ANKRD42: variants seen among roughly 807,000 people sequenced by gnomAD.
ANKRD42 encodes the protein ankyrin repeat domain-containing protein 42.
Under a neutral mutation model 51.5 loss-of-function variants are expected in ANKRD42, and 43 were observed. The ratio of observed to expected loss-of-function variants is 0.83; its 90% CI spans 0.65 to 1.08. ANKRD42 has a LOEUF of 1.08. Ranked by LOEUF, ANKRD42 falls within the 50% of genes least tolerant of loss-of-function variation. The pLI is 0.00. For missense variants in ANKRD42, 608 were observed against 629.3 expected (o/e 0.97, Z 0.36); for synonymous variants, 203 against 213.0 (o/e 0.95, Z 0.41).
chr11:83,238,624 A>T (rs1863292115), intron 8 of ANKRD42, among the ~76,000 whole-genome samples: 1 of 152,150 alleles, frequency 6.6e-6, no homozygotes, highest in Non-Finnish European at 1.5e-5. Context: ...TGAGGTCAGG[A>T]GTTTGAGATC....
At chr11:83,257,277 G>A, downstream of ANKRD42, 1 of 455,868 alleles carries the variant, frequency 2.2e-6, no homozygotes, top group Non-Finnish European at 4.4e-6. Flanking sequence ...GAGGGCTCCT[G>A]CCAGGGAAGC....
intron 10 of ANKRD42, 55 bp downstream of exon 10, chr11:83,245,679 G>A (rs1440364338): frequency 3.4e-6 from 5 of 1,476,204 alleles, no homozygotes; most frequent in Non-Finnish European, 4.5e-6. Context: ...TAAATGCCAT[G>A]TGAGGGTTTG....
intron 11 of ANKRD42, among the ~76,000 whole-genome samples, chr11:83,255,496 A>G (rs1176510195): frequency 1.3e-5 from 2 of 152,212 alleles, no homozygotes; most frequent in East Asian, 1.9e-4. Flanking sequence ...GCAGTTACCA[A>G]TATGTTGTTA....
intron 2 of ANKRD42, among the ~76,000 whole-genome samples, chr11:83,201,363 G>C (rs1178933765): frequency 6.6e-6 from 1 of 152,116 alleles, no homozygotes; most frequent in African/African-American, 2.4e-5. Flanking sequence ...GTATTCCATG[G>C]TGTATATGTG....
At chr11:83,214,267 G>C (rs959382030) in intron 5 of ANKRD42, 1 of 216,018 alleles carries the variant, frequency 4.6e-6, no homozygotes, top group African/African-American at 2.4e-5. Flanking sequence ...TCCCTATTTT[G>C]TGATCATGAA....
At position 83,206,100 on chromosome 11, in the gene ANKRD42, G is replaced by A. The variant is rs770312357; in HGVS notation, c.265G>A (p.Val89Ile). 2.5e-6 allele frequency: 4 copies of A among 1,613,984 alleles called. No homozygotes were observed. The highest frequency in any genetic ancestry group is 1.1e-5 in the South Asian group (1 of 91,076). ...CTGGCATGGAGCTGATATCACACAC[G>A]TAACAACGAGAGGTTGGACAGCATC... ...LLWHGADITH[V>I]TTRGWTASHI... The change falls in exon 3 of 11, where the codon GTA becomes ATA. Residue 89 changes from valine to isoleucine, a missense_variant. By Grantham distance (29) the Val-to-Ile change is conservative (BLOSUM62 3). Transcript: ENST00000533342.
Position 83,193,981 on chromosome 11 carries a change from G to A in ANKRD42, c.-690G>A. On this transcript the variant is annotated 5_prime_UTR_variant, in exon 1 of 11. Transcript: ENST00000533342. ...AGAGAGCGACCGCCGCTCCAGGGTC[G>A]CTGCAGGAAGCCTAAGTGCAGACGC... 2.2e-6 allele frequency: 1 copy of A among 456,492 alleles called. No individual in the cohort carries two copies. The highest frequency in any genetic ancestry group is 4.4e-6 in the Non-Finnish European group (1 of 226,772). The allele number at this position is 456,492 out of a possible 1,614,324, so 28.3% of individuals were successfully genotyped here. A position where few individuals can be genotyped will look rare whatever the true frequency, so the allele number is the denominator to read the frequency against.
At chr11:83,240,616 C>T in intron 8 of ANKRD42, 143 bp from the exon 9 acceptor site, 1 of 766,706 alleles carries the variant, frequency 1.3e-6, no homozygotes, top group South Asian at 1.8e-5. Context: ...CAAATTGTCA[C>T]TGACCTTCAG....
intron 7 of ANKRD42, among the ~76,000 whole-genome samples, chr11:83,228,909 G>A (rs1311794416): frequency 2.0e-5 from 3 of 151,714 alleles, no homozygotes; most frequent in Admixed American, 6.6e-5. Flanking sequence ...ATGTGAATGG[G>A]GAGGAGGCTG....
At chr11:83,234,996 T>C (rs1863184222) in intron 7 of ANKRD42, among the ~76,000 whole-genome samples, 1 of 152,188 alleles carries the variant, frequency 6.6e-6, no homozygotes, top group Non-Finnish European at 1.5e-5. Context: ...TGGAGGTGGG[T>C]TCGCTTTTTA....
At chr11:83,261,966 G>GCTGTGAAAAGAAGAAA, downstream of ANKRD42, 1 of 1,587,008 alleles carries the variant, frequency 6.3e-7, no homozygotes, top group African/African-American at 1.4e-5. Context: ...AAACACCGAA[G>GCTGTGAAAAGAAGAAA]CTGTGAAAAG....
intron 5 of ANKRD42, among the ~76,000 whole-genome samples, chr11:83,216,935 T>G (rs1026708611): frequency 6.6e-6 from 1 of 152,068 alleles, no homozygotes; most frequent in Non-Finnish European, 1.5e-5. Context: ...TTCCTGCTGG[T>G]TAGGGGCGAA....
At chr11:83,210,504 T>C in intron 4 of ANKRD42, 85 bp downstream of exon 4, 1 of 1,469,098 alleles carries the variant, frequency 6.8e-7, no homozygotes, top group Non-Finnish European at 9.3e-7. Context: ...TTCCTGACTT[T>C]TTAGATCTCT....
downstream of ANKRD42, among the ~76,000 whole-genome samples, chr11:83,252,814 C>T (rs1303297211): frequency 6.6e-6 from 1 of 151,230 alleles, no homozygotes; most frequent in Non-Finnish European, 1.5e-5. Flanking sequence ...GTACTTAAAA[C>T]ATTAAATTTA....
Position 83,220,739 on chromosome 11 carries a change from G to GT in ANKRD42, c.587-4108dup, listed in dbSNP as rs34643259. 7.1e-3 allele frequency among the ~76,000 whole-genome samples: 1,086 copies of GT among 151,934 alleles called. 7 individuals are homozygous for GT. Among genetic ancestry groups the GT allele is most frequent in the Middle Eastern group, 0.024 (7 of 294 alleles). On this transcript the variant is annotated intron_variant, in intron 5 of 10. Transcript: ENST00000533342. ...TAGCCTGTGTGGTTTTTCTTGAGAA[G>GT]TTTTTTTTGCCAGACAAACTGGGGC...
At chr11:83,194,834 C>A (rs939525983) in intron 1 of ANKRD42, 106 bp downstream of exon 1, 2 of 1,137,092 alleles carry the variant, frequency 1.8e-6, no homozygotes, top group East Asian at 2.4e-5. Context: ...AGCCGTCACT[C>A]CCCCCTTTCC....
chr11:83,229,024 C>G (rs1862987048), intron 7 of ANKRD42, among the ~76,000 whole-genome samples: 1 of 151,560 alleles, frequency 6.6e-6, no homozygotes, highest in African/African-American at 2.4e-5. Context: ...TAACAAAATG[C>G]TGCAGACTGG....
Position 83,227,810 on chromosome 11 carries a change from T to C in ANKRD42, c.851T>C (p.Val284Ala). The stretch of plus-strand genomic sequence containing the variant: ...GATTTGGGGATGCTTAAGAAATTAG[T>C]GGAAGATGGAGTAATCAATATTAAT... ...KGDLGMLKKLVEDGVININER... is the reference protein window; with the variant it reads ...KGDLGMLKKLAEDGVININER... Residue 284 changes from valine (V) to alanine (A), a missense_variant, in exon 7 of 11, where the codon GTG (valine) becomes GCG (alanine). Transcript: ENST00000533342. 6.2e-7 allele frequency: 1 copy of C among 1,613,648 alleles called. No homozygotes were observed. Among genetic ancestry groups the C allele is most frequent in the Non-Finnish European group, 8.5e-7 (1 of 1,179,824 alleles).
chr11:83,230,086 C>G (rs867787470), intron 7 of ANKRD42, among the ~76,000 whole-genome samples: 2 of 152,322 alleles, frequency 1.3e-5, no homozygotes, highest in South Asian at 4.1e-4. Flanking sequence ...TAGTCTCACT[C>G]TGTTGCCCAG....
Sources: gnomAD v4.1 joint callset for allele counts (sites outside exome capture counted in the v4.1 genomes callset) on GRCh38, gnomAD v4.1.1 for gene constraint, MANE v1.5 for transcripts, NCBI Gene and HGNC (gene_info 2026-07-23, HGNC 2026-07-21) for gene names.